Variants in SLC28A1 observed in about 807,000 individuals in gnomAD.
SLC28A1 encodes sodium/nucleoside cotransporter 1.
SLC28A1 carries 64 observed loss-of-function variants against 74.8 expected under a neutral mutation model. The observed-to-expected ratio is 0.86, with a 90% CI of 0.70 to 1.05. SLC28A1 has a LOEUF of 1.05. Among genes scored for constraint, SLC28A1 ranks in the 50% least tolerant of loss-of-function variants. SLC28A1 has a pLI of 0.00. For synonymous variants in SLC28A1, 359 were observed against 335.0 expected, an observed-to-expected ratio of 1.07 and a Z score of -0.78; for missense variants, 828 against 822.8, an observed-to-expected ratio of 1.01 and a Z score of -0.08.
intron 15 of SLC28A1, among the ~76,000 whole-genome samples, 185 bp downstream of exon 15, chr15:84,935,703 A>T (rs1273546703): frequency 6.6e-6 from 1 of 152,124 alleles, no homozygotes; most frequent in African/African-American, 2.4e-5. Flanking sequence ...ATCTTTCTCA[A>T]GGCCTTTTAG....
chr15:84,888,582 G>A (rs1049079224), intron 3 of SLC28A1, among the ~76,000 whole-genome samples, 190 bp from the exon 4 acceptor site: 3 of 152,204 alleles, frequency 2.0e-5, no homozygotes, highest in African/African-American at 7.2e-5. Flanking sequence ...GTGTCTGGCA[G>A]AGCCCTGCAC....
the SLC28A1 span, among the ~76,000 whole-genome samples, chr15:84,965,789 C>G: frequency 4.6e-5 from 7 of 152,126 alleles, no homozygotes; most frequent in Admixed American, 2.0e-4. Flanking sequence ...CCATCCCTTC[C>G]TCTTTCCTTC....
the SLC28A1 span, among the ~76,000 whole-genome samples, chr15:84,972,286 C>G: frequency 3.9e-5 from 6 of 152,196 alleles, no homozygotes; most frequent in Non-Finnish European, 7.3e-5. Flanking sequence ...ATATGTGGAA[C>G]AGAAACATGT....
At chr15:84,970,120 G>C in the SLC28A1 span, among the ~76,000 whole-genome samples, 17 of 152,228 alleles carry the variant, frequency 1.1e-4, no homozygotes, top group African/African-American at 3.6e-4. Flanking sequence ...AGGGACGCAA[G>C]TTCTTTCCAT....
rs78133073 is a variant in SLC28A1, at chr15:84,911,345, G to T, written c.795+2550G>T. Among the ~76,000 whole-genome samples the T allele has an allele frequency of 4.6e-5, 7 of 152,312 alleles. No individual in the cohort carries two copies. In the East Asian group the frequency reaches 1.3e-3, roughly 29 times the overall value. ...CAGGAGGGAGCTCAGTGGTGTTGCG[G>T]CCTCCCTTTTGTATTACTGATGGTC... On this transcript the variant is annotated intron_variant, in intron 9 of 18. Coordinates refer to ENST00000394573, the MANE Select transcript of SLC28A1 (RefSeq NM_004213.5).
the SLC28A1 span, among the ~76,000 whole-genome samples, chr15:84,974,675 T>C: frequency 4.4e-3 from 669 of 152,290 alleles, no homozygotes; most frequent in Non-Finnish European, 6.4e-3. Context: ...AGTGTTAGTC[T>C]GAGTCCTCAA....
intron 9 of SLC28A1, 73 bp from the exon 10 acceptor site, chr15:84,918,451 C>A: frequency 1.7e-6 from 2 of 1,161,306 alleles, no homozygotes; most frequent in Non-Finnish European, 2.6e-6. Flanking sequence ...TGTCTGGGGT[C>A]TCCTGGGCCC....
chr15:84,919,890 G>T (rs1451844057), intron 10 of SLC28A1, among the ~76,000 whole-genome samples: 1 of 152,154 alleles, frequency 6.6e-6, no homozygotes, highest in Non-Finnish European at 1.5e-5. Context: ...CATAAAGGAG[G>T]TGATTCTCCC....
intron 9 of SLC28A1, among the ~76,000 whole-genome samples, chr15:84,912,734 C>T (rs1337620316): frequency 6.6e-6 from 1 of 151,462 alleles, no homozygotes. Context: ...TCTTCATCTC[C>T]TGAGAGTTTC....
intron 13 of SLC28A1, among the ~76,000 whole-genome samples, chr15:84,934,520 C>G (rs898212174): frequency 1.3e-5 from 2 of 152,190 alleles, no homozygotes; most frequent in African/African-American, 4.8e-5. Flanking sequence ...TTGGGCACAG[C>G]GGATGACCCC....
At position 84,895,345 on chromosome 15, in the gene SLC28A1, C is replaced by T. The variant is rs74024753; in HGVS notation, c.461+222C>T. The T allele has an allele frequency of 1.7e-3, 2,707 of 1,613,770 alleles. 26 individuals are homozygous for T. In the African/African-American group the frequency reaches 0.025, roughly 15 times the overall value. ...AGTTACAGCAGGTGACTGTGGTGGA[C>T]GAAAACTGGACTCAACAGTTTCCTC... On this transcript the variant is annotated intron_variant, in intron 6 of 18. Coordinates refer to ENST00000394573, the MANE Select transcript of SLC28A1 (RefSeq NM_004213.5).
intron 9 of SLC28A1, among the ~76,000 whole-genome samples, chr15:84,915,803 T>C (rs1237499050): frequency 6.6e-6 from 1 of 152,168 alleles, no homozygotes; most frequent in Non-Finnish European, 1.5e-5. Flanking sequence ...CTTTGTCTCC[T>C]TCACAGGCTC....
intron 11 of SLC28A1, among the ~76,000 whole-genome samples, chr15:84,923,024 G>A (rs1970028324): frequency 6.6e-6 from 1 of 152,186 alleles, no homozygotes; most frequent in Non-Finnish European, 1.5e-5. Flanking sequence ...TGCAACCTCC[G>A]CCTCCCGGGT....
chr15:84,889,306 T>C lies in SLC28A1; in HGVS notation c.185+446T>C, dbSNP rs1964996245. ...GCCAGGATGGCATAGGCAGCGAGTG[T>C]CTGAGGTGAGCATAGAACTCCACCT... On this transcript the variant is annotated intron_variant, in intron 4 of 18. Transcript: ENST00000394573. Among the ~76,000 whole-genome samples the C allele has an allele frequency of 4.6e-5, 7 of 152,266 alleles. No individual in the cohort carries two copies. The South Asian group carries it at 1.5e-3, about 32-fold the overall frequency.
chr15:84,903,510 C>T (rs1485569778), intron 6 of SLC28A1, among the ~76,000 whole-genome samples: 1 of 152,214 alleles, frequency 6.6e-6, no homozygotes, highest in African/African-American at 2.4e-5. Context: ...ATGCCAAAAC[C>T]TGAATTCTCC....
chr15:84,918,754 G>A (rs570116442), intron 10 of SLC28A1, 150 bp downstream of exon 10: 7 of 732,240 alleles, frequency 9.6e-6, no homozygotes, highest in Non-Finnish European at 1.7e-5. Flanking sequence ...CCTGTTCCCA[G>A]TGCCTCCACC....
At chr15:84,958,999 C>T in the SLC28A1 span, among the ~76,000 whole-genome samples, 1 of 148,356 alleles carries the variant, frequency 6.7e-6, no homozygotes, top group Non-Finnish European at 1.5e-5. Context: ...ACTCGGGAGG[C>T]TGAGGCAGGA....
At chr15:84,892,499 A>G (rs1390490912) in intron 5 of SLC28A1, among the ~76,000 whole-genome samples, 1 of 152,180 alleles carries the variant, frequency 6.6e-6, no homozygotes, top group Non-Finnish European at 1.5e-5. Flanking sequence ...AATTCTCTCC[A>G]GTAGAGAATG....
chr15:84,938,938 G>A (rs1972311311), intron 15 of SLC28A1, among the ~76,000 whole-genome samples: 1 of 152,220 alleles, frequency 6.6e-6, no homozygotes, highest in South Asian at 2.1e-4. Context: ...TTAGAGAGCA[G>A]AGGCAATGGA....
Sources: allele counts gnomAD v4.1 joint callset (sites outside exome capture counted in the v4.1 genomes callset), GRCh38; gene constraint gnomAD v4.1.1; transcripts MANE v1.5; gene names NCBI Gene and HGNC (gene_info 2026-07-23, HGNC 2026-07-21).